ULK2: variants seen among roughly 807,000 people sequenced by gnomAD.
ULK2 encodes unc-51 like autophagy activating kinase 2, also known as serine/threonine-protein kinase ULK2.
In ULK2, 76 loss-of-function variants were observed where a neutral mutation model predicts 127.5. The ratio of observed to expected loss-of-function variants is 0.60; its 90% confidence interval spans 0.50 to 0.72. The LOEUF (loss-of-function observed/expected upper bound fraction) is 0.72. ULK2 is among the 30% of genes least tolerant of loss of function. The pLI is 0.00. For missense variants in ULK2, 1,144 were observed against 1,295.9 expected, an observed-to-expected ratio of 0.88 and a Z score of 1.80; for synonymous variants, 452 against 461.9, an observed-to-expected ratio of 0.98 and a Z score of 0.28.
intron 16 of ULK2, among the ~76,000 whole-genome samples, chr17:19,799,881 CAA>C (rs2087358966): frequency 6.6e-6 from 1 of 152,222 alleles, no homozygotes; most frequent in African/African-American, 2.4e-5. Flanking sequence ...AGAGTTTGTA[CAA>C]AGTGTCCGGG....
chr17:19,798,312 A>G (rs1011273340), intron 17 of ULK2, among the ~76,000 whole-genome samples: 1 of 152,204 alleles, frequency 6.6e-6, no homozygotes, highest in African/African-American at 2.4e-5. Context: ...TCTCACAAAG[A>G]TAACACTTGC....
intron 5 of ULK2, among the ~76,000 whole-genome samples, chr17:19,848,049 C>T (rs2041928657): frequency 6.6e-6 from 1 of 151,808 alleles, no homozygotes; most frequent in Non-Finnish European, 1.5e-5. Flanking sequence ...TAAATAAAAC[C>T]CATTTAATAA....
At position 19,773,432 on chromosome 17, in the gene ULK2, G is replaced by A. The variant is rs1296976280; in HGVS notation, c.*2917C>T. On this transcript the variant is annotated 3_prime_UTR_variant, in exon 27 of 27. Coordinates refer to ENST00000395544, the MANE Select transcript of ULK2 (RefSeq NM_014683.4). The stretch of plus-strand genomic sequence containing the variant: ...GCTCCTGGACGGGACTCTAGTGAGG[G>A]CAGAACTGCTGGGCTGGTAATTCCT... The A allele has an allele frequency of 2.0e-5, 3 of 152,198 alleles. No individual in the cohort carries two copies. Among genetic ancestry groups the A allele is most frequent in the Non-Finnish European group, 4.4e-5 (3 of 68,098 alleles). 9.4% of individuals were successfully genotyped at this position (152,198 alleles called of 1,614,324 possible).
At chr17:19,806,036 G>A (rs2087508725) in intron 14 of ULK2, among the ~76,000 whole-genome samples, 1 of 152,006 alleles carries the variant, frequency 6.6e-6, no homozygotes, top group Non-Finnish European at 1.5e-5. Flanking sequence ...CTACACATCT[G>A]ATTCTTCAGT....
intron 3 of ULK2, among the ~76,000 whole-genome samples, chr17:19,856,523 A>T (rs1465129108): frequency 6.6e-6 from 1 of 151,878 alleles, no homozygotes; most frequent in East Asian, 1.9e-4. Context: ...CAGAGCTTGC[A>T]GTGAGCCGAG....
At chr17:19,796,372 T>A in intron 18 of ULK2, 90 bp from the exon 19 acceptor site, 1 of 1,220,578 alleles carries the variant, frequency 8.2e-7, no homozygotes, top group Non-Finnish European at 1.1e-6. Context: ...GACCCAGTAG[T>A]CAGGAGCATG....
At chr17:19,790,590 G>C (rs1035005314) in intron 20 of ULK2, among the ~76,000 whole-genome samples, 2 of 151,886 alleles carry the variant, frequency 1.3e-5, no homozygotes, top group Admixed American at 6.6e-5. Context: ...AGGGAAGAAG[G>C]AAGGAAGGAA....
At chr17:19,794,920 T>C (rs940935560) in intron 20 of ULK2, among the ~76,000 whole-genome samples, 4 of 151,868 alleles carry the variant, frequency 2.6e-5, no homozygotes, top group Admixed American at 1.3e-4. Context: ...CTACTAAAAA[T>C]ACAAAAAAAT....
chr17:19,780,338 A>T, intron 25 of ULK2, 134 bp downstream of exon 25: 1 of 695,486 alleles, frequency 1.4e-6, no homozygotes, highest in Non-Finnish European at 2.1e-6. Flanking sequence ...TTACTTCTTT[A>T]GTAGAAGGCA....
chr17:19,771,786 C>A lies in ULK2; in HGVS notation c.*4563G>T, dbSNP rs1211694194. 1 of 152,224 alleles carries A rather than the reference C, an allele frequency of 6.6e-6. No homozygotes were observed. Among genetic ancestry groups the A allele is most frequent in the Non-Finnish European group, 1.5e-5 (1 of 68,058 alleles). The allele number at this position is 152,224 out of a possible 1,614,324, so 9.4% of individuals were successfully genotyped here. On this transcript the variant is annotated 3_prime_UTR_variant, in exon 27 of 27. Transcript: ENST00000395544. ...ACCAAGTGGACCACTAAGCTACCTG[C>A]CAAATTGAGTTGCAGAAACCCCAAA...
chr17:19,839,417 C>T (rs1018686103), intron 9 of ULK2, among the ~76,000 whole-genome samples: 24 of 152,074 alleles, frequency 1.6e-4, no homozygotes, highest in Admixed American at 1.2e-3. Flanking sequence ...GTAATCCCAG[C>T]ACTTTGGGAG....
intron 21 of ULK2, among the ~76,000 whole-genome samples, chr17:19,784,283 C>T (rs2086981475): frequency 6.6e-6 from 1 of 151,804 alleles, no homozygotes; most frequent in African/African-American, 2.4e-5. Flanking sequence ...TATACTATTT[C>T]TGATTTTATT....
At chr17:19,851,326 CAAAAAAAAAAA>C (rs554643908) in intron 3 of ULK2, among the ~76,000 whole-genome samples, 5,152 of 41,082 alleles carry the variant, frequency 0.13, 290 homozygotes, top group East Asian at 0.4. Flanking sequence ...GACTTCCCCT[CAAAAAAAAAAA>C]AAAAAAAAAA....
chr17:19,778,684 A>G (rs2086857564), intron 25 of ULK2, among the ~76,000 whole-genome samples: 2 of 152,140 alleles, frequency 1.3e-5, no homozygotes, highest in African/African-American at 2.4e-5. Context: ...TGAACTCCTG[A>G]GCTCAAGCAA....
At chr17:19,810,340 TA>T in intron 14 of ULK2, 37 bp downstream of exon 14, 1 of 1,367,268 alleles carries the variant, frequency 7.3e-7, no homozygotes, top group Non-Finnish European at 1.0e-6. Context: ...AAATAAAATA[TA>T]AAACAAATTT....
Position 19,804,683 on chromosome 17 carries a change from A to T in ULK2, c.1295+10T>A. The T allele has an allele frequency of 6.3e-7, 1 of 1,575,448 alleles. No individual in the cohort carries two copies. The highest frequency in any genetic ancestry group is 8.6e-7 in the Non-Finnish European group (1 of 1,162,116). Reference sequence around the variant, plus strand: ...AAAAGAATTAAGCAAGAAAAAAGCTACTAACTTACCTTGGAGAACCATGTA... The same window carrying T: ...AAAAGAATTAAGCAAGAAAAAAGCTTCTAACTTACCTTGGAGAACCATGTA... On this transcript the variant is annotated intron_variant, in intron 15 of 26. Transcript: ENST00000395544.
At chr17:19,802,964 C>T (rs1380392944) in intron 15 of ULK2, among the ~76,000 whole-genome samples, 1 of 152,118 alleles carries the variant, frequency 6.6e-6, no homozygotes, top group East Asian at 1.9e-4. Flanking sequence ...AAATATCACC[C>T]TCAATTTTAA....
intron 3 of ULK2, among the ~76,000 whole-genome samples, chr17:19,851,739 T>C (rs2042020653): frequency 6.6e-6 from 1 of 152,074 alleles, no homozygotes; most frequent in South Asian, 2.1e-4. Flanking sequence ...GAAGAGGGCA[T>C]CTCGGCCGGG....
chr17:19,783,846 A>G lies in ULK2; in HGVS notation c.2311T>C (p.Ser771Pro), dbSNP rs754194416. 1 of 1,591,264 alleles carries G rather than the reference A, an allele frequency of 6.3e-7. No individual in the cohort carries two copies. Residue 771 changes from serine to proline, a missense_variant, in exon 22 of 27, where the codon TCC becomes CCC. Transcript: ENST00000395544. ...CAMSGRVCVG[S>P]PPGPGFGSSP... ...GAGCCGAAGCCTGGGCCAGGCGGGGACCCCACGCACACGCGGCCACTCATG... is the reference window on the plus strand; with the variant it reads ...GAGCCGAAGCCTGGGCCAGGCGGGGGCCCCACGCACACGCGGCCACTCATG...
Sources: gnomAD v4.1 joint callset for allele counts (sites outside exome capture counted in the v4.1 genomes callset) on GRCh38, gnomAD v4.1.1 for gene constraint, MANE v1.5 for transcripts, NCBI Gene and HGNC (gene_info 2026-07-23, HGNC 2026-07-21) for gene names.